Variants in CCDC148 observed in about 807,000 individuals in gnomAD.
CCDC148 encodes coiled-coil domain containing 148.
A neutral mutation model predicts 85.7 loss-of-function variants in CCDC148; 89 were observed. The observed-to-expected ratio is 1.04, with a 90% CI of 0.87 to 1.24. CCDC148 has a LOEUF of 1.24. Ranked by LOEUF, CCDC148 falls within the 50% of genes most tolerant of loss-of-function variation. The pLI, the probability that CCDC148 is intolerant of heterozygous loss-of-function variation, is 0.00. For synonymous variants in CCDC148, 230 were observed against 213.9 expected (o/e 1.08, Z -0.66); for missense variants, 692 against 671.7 (o/e 1.03, Z -0.33).
intron 10 of CCDC148, among the ~76,000 whole-genome samples, chr2:158,226,282 A>G (rs1380369762): frequency 2.6e-5 from 4 of 152,200 alleles, no homozygotes; most frequent in African/African-American, 9.6e-5. Context: ...GAAGAGACCA[A>G]TAACAGGCTC....
chr2:158,313,936 A>G (rs1469517346), intron 7 of CCDC148, 42 bp from the exon 8 acceptor site: 2 of 1,583,482 alleles, frequency 1.3e-6, no homozygotes, highest in African/African-American at 2.7e-5. Flanking sequence ...TTGAGCAATC[A>G]TGAAATTTGA....
chr2:158,264,730 C>T (rs189512734), intron 9 of CCDC148, among the ~76,000 whole-genome samples: 81 of 152,046 alleles, frequency 5.3e-4, no homozygotes, highest in East Asian at 3.9e-4. Context: ...ACTCACAAGA[C>T]GATAAATCCA....
intron 1 of CCDC148, among the ~76,000 whole-genome samples, chr2:158,448,535 G>A (rs1284652144): frequency 6.6e-6 from 1 of 151,676 alleles, no homozygotes; most frequent in Non-Finnish European, 1.5e-5. Flanking sequence ...GTAGAGATAG[G>A]GTTTTGCCAT....
intron 10 of CCDC148, chr2:158,235,598 CCTTTAA>C (rs1688066388): frequency 6.6e-6 from 1 of 152,148 alleles, no homozygotes; most frequent in African/African-American, 2.4e-5. Context: ...TATATGTTTC[CCTTTAA>C]CTTTAACCAT....
chr2:158,309,179 T>G (rs1252673185), intron 9 of CCDC148, among the ~76,000 whole-genome samples: 1 of 152,238 alleles, frequency 6.6e-6, no homozygotes, highest in Admixed American at 6.5e-5. Context: ...ATGGTTGGTA[T>G]TGGATATCTC....
intron 7 of CCDC148, among the ~76,000 whole-genome samples, chr2:158,316,486 A>C (rs1437833559): frequency 6.6e-6 from 1 of 152,208 alleles, no homozygotes; most frequent in Non-Finnish European, 1.5e-5. Context: ...CTTCTTGTTG[A>C]TTTTAGAAGC....
At chr2:158,409,513 A>C (rs1686169084) in intron 1 of CCDC148, among the ~76,000 whole-genome samples, 1 of 152,144 alleles carries the variant, frequency 6.6e-6, no homozygotes, top group Admixed American at 6.5e-5. Context: ...TGTTTTAGCC[A>C]ATTTCTCCTA....
chr2:158,448,345 A>ATTTT (rs145406168), intron 1 of CCDC148, among the ~76,000 whole-genome samples: 1 of 147,750 alleles, frequency 6.8e-6, no homozygotes, highest in Non-Finnish European at 1.5e-5. Flanking sequence ...TTTCCATTTT[A>ATTTT]TTTTTTTTTT....
At chr2:158,185,230 T>C (rs770689370) in intron 11 of CCDC148, among the ~76,000 whole-genome samples, 1 of 152,120 alleles carries the variant, frequency 6.6e-6, no homozygotes, top group Non-Finnish European at 1.5e-5. Flanking sequence ...CTTCTCAGGC[T>C]TGGATAAGTG....
chr2:158,430,877 C>A (rs1687315170), intron 1 of CCDC148, among the ~76,000 whole-genome samples: 2 of 150,126 alleles, frequency 1.3e-5, no homozygotes, highest in Non-Finnish European at 1.5e-5. Context: ...AAAACATAAA[C>A]ATAATAAAAA....
intron 11 of CCDC148, among the ~76,000 whole-genome samples, chr2:158,197,463 G>A (rs1228004351): frequency 2.6e-5 from 4 of 152,000 alleles, no homozygotes; most frequent in Non-Finnish European, 5.9e-5. Flanking sequence ...ATTTACTAAG[G>A]TTACCCCAAG....
At chr2:158,387,877 C>T (rs909610086) in intron 1 of CCDC148, among the ~76,000 whole-genome samples, 3 of 152,160 alleles carry the variant, frequency 2.0e-5, no homozygotes, top group Admixed American at 6.6e-5. Flanking sequence ...GGTCTCTGAC[C>T]CAGTGAAGGT....
chr2:158,364,966 GA>G (rs1684132859), intron 1 of CCDC148, among the ~76,000 whole-genome samples: 1 of 151,770 alleles, frequency 6.6e-6, no homozygotes, highest in East Asian at 1.9e-4. Flanking sequence ...AAATTTACAA[GA>G]AAAAACAACC....
intron 1 of CCDC148, among the ~76,000 whole-genome samples, chr2:158,390,753 C>G (rs1383633066): frequency 6.6e-6 from 1 of 152,146 alleles, no homozygotes; most frequent in Non-Finnish European, 1.5e-5. Context: ...TCCTTGGTGT[C>G]TTTTGCGCTA....
At chr2:158,297,648 TATTA>T (rs1268720320) in intron 9 of CCDC148, among the ~76,000 whole-genome samples, 9 of 152,166 alleles carry the variant, frequency 5.9e-5, no homozygotes, top group African/African-American at 2.2e-4. Flanking sequence ...TAGCAGAATG[TATTA>T]ATTATGGAAT....
chr2:158,309,582 G>A lies in CCDC148; in HGVS notation c.961C>T (p.Leu321=). The A allele has an allele frequency of 6.2e-7, 1 of 1,613,856 alleles. No homozygotes were observed. The highest frequency in any genetic ancestry group is 8.5e-7 in the Non-Finnish European group (1 of 1,179,836). ...YRFAIEQQNI[L]ISNWNKNKKD... Reference sequence around the variant, plus strand: ...TTATTTTTATTCCAATTTGATATCAGGATATTTTGCTGCTCTATAGCAAAG... The same window carrying A: ...TTATTTTTATTCCAATTTGATATCAAGATATTTTGCTGCTCTATAGCAAAG... Residue 321 remains leucine (L), a synonymous_variant, in exon 9 of 14, where the codon CTG becomes TTG. Transcript: ENST00000283233.
rs562261856 is a variant in CCDC148, at chr2:158,278,912, G to A, written c.1111-28000C>T. ...GCAGACTGACACCTCACACAGCCGG[G>A]TACTCCTCTGAGACAAAACTTCCAG... On this transcript the variant is annotated intron_variant, in intron 9 of 13. Transcript: ENST00000283233. Among the ~76,000 whole-genome samples, 59 of 152,304 alleles carry A rather than the reference G, an allele frequency of 3.9e-4. 2 individuals carry two copies. The highest frequency in any genetic ancestry group is 1.4e-3 in the African/African-American group (58 of 41,562).
At chr2:158,196,448 C>G (rs530184947) in intron 11 of CCDC148, among the ~76,000 whole-genome samples, 5 of 152,116 alleles carry the variant, frequency 3.3e-5, no homozygotes, top group African/African-American at 2.4e-5. Flanking sequence ...CTCCTCCCCC[C>G]AGCCAGTTGT....
At chr2:158,456,127 C>A (rs1467688393) in intron 1 of CCDC148, among the ~76,000 whole-genome samples, 2 of 152,186 alleles carry the variant, frequency 1.3e-5, no homozygotes, top group African/African-American at 4.8e-5. Flanking sequence ...TATCTGCCCA[C>A]AGGGAGATTA....
Sources: allele counts gnomAD v4.1 joint callset (sites outside exome capture counted in the v4.1 genomes callset), GRCh38; gene constraint gnomAD v4.1.1; transcripts MANE v1.5; gene names NCBI Gene and HGNC (gene_info 2026-07-23, HGNC 2026-07-21).